Variants in ATG10 observed in about 807,000 individuals in gnomAD.
The protein encoded by ATG10 is autophagy related 10, also known as ubiquitin-like-conjugating enzyme ATG10.
In ATG10, 30 loss-of-function variants were observed where a neutral mutation model predicts 32.1. That is an observed-to-expected ratio of 0.94 (90% CI 0.70 to 1.27). ATG10 has a LOEUF of 1.27. ATG10 is among the 50% of genes most tolerant of loss of function. The pLI is 0.00. For missense variants in ATG10, 233 were observed against 262.3 expected (o/e 0.89, Z 0.77); for synonymous variants, 87 against 91.5 (o/e 0.95, Z 0.28).
chr5:82,011,257 T>A (rs1334956391), intron 2 of ATG10, among the ~76,000 whole-genome samples: 1 of 152,126 alleles, frequency 6.6e-6, no homozygotes, highest in Non-Finnish European at 1.5e-5. Context: ...CCCTGAAGGT[T>A]TTACATTCCT....
At chr5:82,090,267 C>T (rs556771008) in intron 3 of ATG10, among the ~76,000 whole-genome samples, 141 of 152,182 alleles carry the variant, frequency 9.3e-4, no homozygotes, top group Non-Finnish European at 1.6e-3. Context: ...GGGCATCTAT[C>T]CCCGAGAAAT....
At chr5:81,985,947 T>A (rs984637293) in intron 1 of ATG10, among the ~76,000 whole-genome samples, 9 of 152,236 alleles carry the variant, frequency 5.9e-5, no homozygotes, top group Middle Eastern at 3.4e-3. Context: ...TATTTTTTAG[T>A]AGCGACGGGG....
intron 3 of ATG10, among the ~76,000 whole-genome samples, chr5:82,058,916 G>A (rs1228404598): frequency 2.0e-5 from 3 of 152,126 alleles, no homozygotes; most frequent in African/African-American, 7.2e-5. Context: ...CCAGATTGTA[G>A]TGAGCCGTCA....
At chr5:82,156,192 A>G (rs1767792842) in intron 3 of ATG10, among the ~76,000 whole-genome samples, 1 of 151,930 alleles carries the variant, frequency 6.6e-6, no homozygotes, top group Non-Finnish European at 1.5e-5. Context: ...ATGAGCAGCT[A>G]GTGAAGGCAA....
At chr5:82,053,918 A>C (rs1461277460) in intron 2 of ATG10, among the ~76,000 whole-genome samples, 1 of 152,194 alleles carries the variant, frequency 6.6e-6, no homozygotes, top group Non-Finnish European at 1.5e-5. Flanking sequence ...AGGCAGTCTC[A>C]GCATGGTCAA....
chr5:82,074,389 A>T (rs1018323774), intron 3 of ATG10, among the ~76,000 whole-genome samples: 2 of 152,028 alleles, frequency 1.3e-5, no homozygotes, highest in African/African-American at 4.8e-5. Context: ...TTCTTTAAAT[A>T]TGTTATAGTT....
intron 2 of ATG10, among the ~76,000 whole-genome samples, chr5:82,015,322 G>A (rs968353456): frequency 2.0e-5 from 3 of 152,040 alleles, no homozygotes; most frequent in Non-Finnish European, 4.4e-5. Flanking sequence ...TGCTCTTCTC[G>A]AGGAGTATCT....
chr5:82,085,374 A>G (rs1457692141), intron 3 of ATG10, among the ~76,000 whole-genome samples: 1 of 151,730 alleles, frequency 6.6e-6, no homozygotes, highest in Non-Finnish European at 1.5e-5. Flanking sequence ...CTCCCACACA[A>G]TAATAATGGG....
At chr5:82,014,126 T>C (rs1464996524) in intron 2 of ATG10, among the ~76,000 whole-genome samples, 1 of 152,210 alleles carries the variant, frequency 6.6e-6, no homozygotes, top group Non-Finnish European at 1.5e-5. Context: ...AGTTTCCATG[T>C]AGTTGAGCAG....
intron 3 of ATG10, among the ~76,000 whole-genome samples, chr5:82,163,191 CT>C (rs1743434827): frequency 1.3e-5 from 2 of 152,098 alleles, no homozygotes; most frequent in African/African-American, 4.8e-5. Flanking sequence ...ATAGAAAAAT[CT>C]TTTTCTTGCT....
intron 3 of ATG10, among the ~76,000 whole-genome samples, chr5:82,159,263 C>G (rs1743198373): frequency 6.6e-6 from 1 of 152,148 alleles, no homozygotes; most frequent in Admixed American, 6.6e-5. Context: ...GAGATTTCAT[C>G]ACACTACTCT....
At chr5:82,161,696 A>AACACACAC (rs60780834) in intron 3 of ATG10, among the ~76,000 whole-genome samples, 4,722 of 129,674 alleles carry the variant, frequency 0.036, 129 homozygotes, top group Admixed American at 0.069. Context: ...TTAGAGAATA[A>AACACACAC]ACACACACAC....
intron 3 of ATG10, among the ~76,000 whole-genome samples, chr5:82,125,549 G>A (rs1185429060): frequency 6.6e-6 from 1 of 152,160 alleles, no homozygotes; most frequent in Non-Finnish European, 1.5e-5. Context: ...CCTATTGCTT[G>A]TTTTTGTCAG....
chr5:82,158,041 AT>A (rs1292552519), intron 3 of ATG10, among the ~76,000 whole-genome samples: 1 of 152,028 alleles, frequency 6.6e-6, no homozygotes, highest in Non-Finnish European at 1.5e-5. Flanking sequence ...CCAATACACT[AT>A]TTGGGTTTGC....
intron 3 of ATG10, among the ~76,000 whole-genome samples, chr5:82,089,006 G>A (rs149461082): frequency 7.0e-4 from 106 of 152,266 alleles, no homozygotes; most frequent in East Asian, 6.4e-3. Context: ...TAAAATGGGA[G>A]GAATTAGTTT....
chr5:82,154,029 G>A (rs1403199484), intron 3 of ATG10, among the ~76,000 whole-genome samples: 4 of 151,436 alleles, frequency 2.6e-5, no homozygotes, highest in African/African-American at 9.7e-5. Context: ...CTCCCAAAGC[G>A]CTGGGATTGC....
intron 5 of ATG10, among the ~76,000 whole-genome samples, chr5:82,251,774 G>T (rs1453906661): frequency 6.6e-6 from 1 of 152,104 alleles, no homozygotes; most frequent in Non-Finnish European, 1.5e-5. Context: ...CCACTACATA[G>T]AAACCTCCTA....
intron 2 of ATG10, among the ~76,000 whole-genome samples, chr5:82,051,072 CT>C (rs1416232938): frequency 6.6e-6 from 1 of 152,042 alleles, no homozygotes; most frequent in African/African-American, 2.4e-5. Context: ...TAAAAAAGCT[CT>C]TTTAAACTGT....
At chr5:82,220,912 C>A (rs1745900524) in intron 5 of ATG10, among the ~76,000 whole-genome samples, 1 of 152,124 alleles carries the variant, frequency 6.6e-6, no homozygotes, top group Admixed American at 6.5e-5. Flanking sequence ...CACGTGCCAC[C>A]ATGCCTGGCT....
Sources: allele counts gnomAD v4.1 joint callset (sites outside exome capture counted in the v4.1 genomes callset), GRCh38; gene constraint gnomAD v4.1.1; transcripts MANE v1.5; gene names NCBI Gene and HGNC (gene_info 2026-07-23, HGNC 2026-07-21).